The following ERC1 variants were observed in gnomAD, a reference collection of about 807,000 sequenced individuals.
ERC1 encodes RAB6 interacting protein 2.
ERC1 carries 56 observed loss-of-function variants against 132.0 expected under a neutral mutation model. The observed-to-expected ratio is 0.42, with a 90% confidence interval of 0.34 to 0.53. ERC1 has a LOEUF of 0.53. Among genes scored for constraint, ERC1 ranks in the 20% least tolerant of loss-of-function variants. The pLI is 0.03. For synonymous variants in ERC1, 478 were observed against 476.1 expected (o/e 1.00, Z -0.05); for missense variants, 1,202 against 1,349.9 (o/e 0.89, Z 1.72).
intron 8 of ERC1, among the ~76,000 whole-genome samples, chr12:1,145,540 TCTGA>T (rs1471284668): frequency 1.2e-4 from 18 of 152,296 alleles, no homozygotes; most frequent in African/African-American, 4.1e-4. Context: ...TGTTTACTCT[TCTGA>T]CTATTTCTTT....
intron 15 of ERC1, among the ~76,000 whole-genome samples, chr12:1,327,592 T>C (rs2082539599): frequency 1.3e-5 from 2 of 152,152 alleles, no homozygotes; most frequent in Admixed American, 1.3e-4. Flanking sequence ...TCTCTATGAG[T>C]CCACTTTTAG....
In ERC1 at chr12:1,395,577, A is replaced by G. The variant is rs1248281210; in HGVS notation, c.2926-12572A>G. Among the ~76,000 whole-genome samples, 3 of 152,200 alleles carry G rather than the reference A, an allele frequency of 2.0e-5. No homozygotes were observed. In the East Asian group the frequency reaches 5.8e-4, roughly 29 times the overall value. ...ATGGTAATTGGAATTAACCATTAAGATGAACATACTCATTCTGGCAGCTAA... is the reference window on the plus strand; with the variant it reads ...ATGGTAATTGGAATTAACCATTAAGGTGAACATACTCATTCTGGCAGCTAA... On this transcript the variant is annotated intron_variant, in intron 16 of 18. Transcript: ENST00000360905.
chr12:1,317,748 G>T (rs2081865494), intron 15 of ERC1, among the ~76,000 whole-genome samples: 1 of 151,992 alleles, frequency 6.6e-6, no homozygotes, highest in Non-Finnish European at 1.5e-5. Flanking sequence ...TAAGTCATCA[G>T]ATTATATGGT....
intron 15 of ERC1, among the ~76,000 whole-genome samples, chr12:1,333,009 C>G (rs35579512): frequency 7.6e-6 from 1 of 132,248 alleles, no homozygotes; most frequent in East Asian, 2.5e-4. Context: ...CCTTTAGTTA[C>G]TTTATAATTC....
At chr12:1,078,716 A>G (rs1264874112) in intron 2 of ERC1, among the ~76,000 whole-genome samples, 5 of 152,188 alleles carry the variant, frequency 3.3e-5, no homozygotes, top group Non-Finnish European at 7.4e-5. Context: ...CTTAAAATGG[A>G]TTAAGAAAAA....
chr12:1,279,863 T>G lies in ERC1; in HGVS notation c.2620-9989T>G, dbSNP rs190103767. ...GGCGTGCGCCACCATGCCCAGCTAA[T>G]TTTTGTATTTTTAGTAAAGACGAGG... is the stretch of plus-strand genomic sequence containing the variant. On this transcript the variant is annotated intron_variant, in intron 14 of 18. Transcript: ENST00000360905. Among the ~76,000 whole-genome samples the G allele has an allele frequency of 1.7e-3, 251 of 152,030 alleles. 3 individuals carry two copies. The highest frequency in any genetic ancestry group is 5.7e-3 in the African/African-American group (235 of 41,482).
intron 16 of ERC1, among the ~76,000 whole-genome samples, chr12:1,398,945 TTTTTTTTTTTTTTTTG>T (rs990104953): frequency 2.4e-4 from 23 of 94,234 alleles, no homozygotes; most frequent in African/African-American, 7.4e-4. Flanking sequence ...TTTTTTTTTT[TTTTTTTTTTTTTTTTG>T]TTGAAACAAG....
At chr12:1,434,827 T>G (rs2092906073) in intron 17 of ERC1, among the ~76,000 whole-genome samples, 2 of 152,230 alleles carry the variant, frequency 1.3e-5, no homozygotes, top group Non-Finnish European at 2.9e-5. Context: ...TGAGCCTCTT[T>G]CGTCATAGTC....
At position 1,256,506 on chromosome 12, in the gene ERC1, A is replaced by G. The variant is rs1490605865; in HGVS notation, c.2488-6528A>G. On this transcript the variant is annotated intron_variant, in intron 13 of 18. Coordinates refer to ENST00000360905, the MANE Select transcript of ERC1 (RefSeq NM_178040.4). ...TGACTAAGCTTATTGATAAACCTCC[A>G]TTGTATATCTCTTAAAACATTTGCC... Among the ~76,000 whole-genome samples the G allele has an allele frequency of 2.1e-5, 3 of 141,656 alleles. 1 individual carries two copies. Among genetic ancestry groups the G allele is most frequent in the African/African-American group, 8.2e-5 (3 of 36,566 alleles). 92.9% of individuals were successfully genotyped at this position (141,656 alleles called of 152,430 possible).
chr12:1,022,472 A>G (rs1252660203), intron 1 of ERC1, among the ~76,000 whole-genome samples: 1 of 152,170 alleles, frequency 6.6e-6, no homozygotes, highest in Non-Finnish European at 1.5e-5. Context: ...TGATTTCACA[A>G]CCTACTATTG....
At chr12:1,292,848 T>C (rs2079552882) in intron 15 of ERC1, among the ~76,000 whole-genome samples, 1 of 151,844 alleles carries the variant, frequency 6.6e-6, no homozygotes. Context: ...CCGTCTCTAC[T>C]GAAAATATAA....
intron 2 of ERC1, among the ~76,000 whole-genome samples, chr12:1,060,396 A>G (rs1004196896): frequency 2.0e-5 from 3 of 149,820 alleles, no homozygotes; most frequent in African/African-American, 7.4e-5. Flanking sequence ...CTCATTGTTC[A>G]ATTCCCATCT....
chr12:1,039,599 T>C (rs971054644), intron 2 of ERC1, among the ~76,000 whole-genome samples: 1 of 151,948 alleles, frequency 6.6e-6, no homozygotes, highest in Non-Finnish European at 1.5e-5. Context: ...AACCATGGTA[T>C]TGAGATTGGG....
At chr12:1,031,056 C>A (rs988202952) in intron 2 of ERC1, among the ~76,000 whole-genome samples, 2 of 152,200 alleles carry the variant, frequency 1.3e-5, no homozygotes, top group African/African-American at 2.4e-5. Context: ...ACCATTCTTA[C>A]TATTATGCAG....
intron 2 of ERC1, among the ~76,000 whole-genome samples, chr12:1,051,544 A>C (rs763017340): frequency 8.5e-3 from 317 of 37,234 alleles, no homozygotes; most frequent in East Asian, 0.04. Flanking sequence ...AAAAAAAAAA[A>C]AAAAAAAAAA....
intron 12 of ERC1, among the ~76,000 whole-genome samples, chr12:1,217,189 A>T (rs1479012815): frequency 2.0e-5 from 3 of 152,156 alleles, no homozygotes; most frequent in Non-Finnish European, 4.4e-5. Flanking sequence ...TCTGTCATAG[A>T]TCCAAAAAGC....
chr12:1,168,417 C>G (rs931392323), intron 8 of ERC1, among the ~76,000 whole-genome samples: 3 of 151,440 alleles, frequency 2.0e-5, no homozygotes, highest in Non-Finnish European at 4.4e-5. Flanking sequence ...AGCCACTGCA[C>G]TGGCCAAATT....
At chr12:1,384,853 C>T (rs1253212041) in intron 16 of ERC1, among the ~76,000 whole-genome samples, 3 of 152,104 alleles carry the variant, frequency 2.0e-5, no homozygotes, top group African/African-American at 7.2e-5. Flanking sequence ...TGATGTTTTT[C>T]TTGGTCTCCC....
At chr12:1,178,635 C>A (rs775603505) in intron 8 of ERC1, among the ~76,000 whole-genome samples, 3 of 152,052 alleles carry the variant, frequency 2.0e-5, no homozygotes, top group Non-Finnish European at 4.4e-5. Context: ...GTGAGGGCAA[C>A]AGACTGTTCC....
Sources: allele counts gnomAD v4.1 joint callset (sites outside exome capture counted in the v4.1 genomes callset), GRCh38; gene constraint gnomAD v4.1.1; transcripts MANE v1.5; gene names NCBI Gene and HGNC (gene_info 2026-07-23, HGNC 2026-07-21).